Variants in ANKMY1 observed in about 807,000 individuals in gnomAD.
ANKMY1 encodes the protein ankyrin repeat and MYND domain containing 1.
A neutral mutation model predicts 102.0 loss-of-function variants in ANKMY1; 98 were observed. The observed-to-expected ratio is 0.96, with a 90% CI of 0.82 to 1.14. The LOEUF (loss-of-function observed/expected upper bound fraction) is 1.14, where lower values mean the gene tolerates loss of function less well. Ranked by LOEUF, ANKMY1 falls within the 50% of genes most tolerant of loss-of-function variation. The pLI is 0.00. For synonymous variants in ANKMY1, 582 were observed against 559.9 expected, an observed-to-expected ratio of 1.04 and a Z score of -0.56; for missense variants, 1,330 against 1,347.6, an observed-to-expected ratio of 0.99 and a Z score of 0.20.
chr2:240,560,893 T>G, upstream of ANKMY1: 1 of 1,519,132 alleles, frequency 6.6e-7, no homozygotes, highest in Non-Finnish European at 8.7e-7. Flanking sequence ...CGCGTGCCCG[T>G]GTTCGACGAC....
At chr2:240,537,821 T>C (rs1013486899) in intron 4 of ANKMY1, among the ~76,000 whole-genome samples, 1 of 152,250 alleles carries the variant, frequency 6.6e-6, no homozygotes, top group African/African-American at 2.4e-5. Flanking sequence ...AGCCCACACC[T>C]GCGCCAATCG....
intron 4 of ANKMY1, among the ~76,000 whole-genome samples, chr2:240,542,503 CAA>C (rs762420491): frequency 4.3e-5 from 5 of 117,224 alleles, no homozygotes; most frequent in Non-Finnish European, 5.4e-5. Context: ...GACTCCGTCT[CAA>C]AAAAAAAAAA....
At chr2:240,543,251 G>T (rs1293021071) in intron 4 of ANKMY1, among the ~76,000 whole-genome samples, 1 of 151,760 alleles carries the variant, frequency 6.6e-6, no homozygotes, top group Non-Finnish European at 1.5e-5. Flanking sequence ...TACTCGGGAG[G>T]CTGAGGCAGG....
chr2:240,559,011 G>C (rs111392516), upstream of ANKMY1, among the ~76,000 whole-genome samples: 9 of 152,316 alleles, frequency 5.9e-5, no homozygotes, highest in African/African-American at 2.2e-4. Flanking sequence ...CATTAGTTGT[G>C]AATTACAACT....
chr2:240,540,215 A>G (rs2152509470), intron 4 of ANKMY1, among the ~76,000 whole-genome samples: 1 of 152,330 alleles, frequency 6.6e-6, no homozygotes, highest in African/African-American at 2.4e-5. Context: ...GACCTAACCA[A>G]TGTGTGTTTT....
rs2080493105 is a variant in ANKMY1 at position 240,512,833 on chromosome 2, G to A, written c.2114C>T (p.Ser705Phe). 1 of 1,614,048 alleles carries A rather than the reference G, an allele frequency of 6.2e-7. No homozygotes were observed. Among genetic ancestry groups the A allele is most frequent in the Non-Finnish European group, 8.5e-7 (1 of 1,179,980 alleles). ...GGGCTTGTAAGTGTCGTCCTCGTCG[G>A]ATGCCTTGGCGTCCACATCGGTGAT... The part of the protein sequence containing the change: ...HAITDVDAKA[S>F]DEDDTYKPGK... The change falls in exon 10 of 18, where the codon TCC becomes TTC. Residue 705 changes from serine (S) to phenylalanine (F), a missense_variant. By Grantham distance (155) the Ser-to-Phe change is radical. Coordinates refer to ENST00000401804, the MANE Select transcript of ANKMY1 (RefSeq NM_001282771.3).
At chr2:240,483,356 C>T (rs573950775) in intron 15 of ANKMY1, among the ~76,000 whole-genome samples, 36 of 152,202 alleles carry the variant, frequency 2.4e-4, no homozygotes, top group Middle Eastern at 3.4e-3. Flanking sequence ...AGGGTTTCAC[C>T]GTATTGGCCA....
At chr2:240,508,389 G>C (rs1559279071) in intron 12 of ANKMY1, among the ~76,000 whole-genome samples, 1 of 152,332 alleles carries the variant, frequency 6.6e-6, no homozygotes, top group African/African-American at 2.4e-5. Flanking sequence ...AGAAAGCAGG[G>C]AGCAGAGGTG....
the ANKMY1 span, among the ~76,000 whole-genome samples, chr2:240,469,685 CGAACACAT>C: frequency 0.098 from 14,842 of 151,600 alleles, 774 homozygotes; most frequent in African/African-American, 0.11. Flanking sequence ...CACACACAAA[CGAACACAT>C]ACAACACCCT....
chr2:240,491,900 G>T (rs1358629065), intron 15 of ANKMY1, among the ~76,000 whole-genome samples: 1 of 151,852 alleles, frequency 6.6e-6, no homozygotes, highest in Non-Finnish European at 1.5e-5. Context: ...TTTTATCATT[G>T]TATCTTCCTG....
At chr2:240,518,204 G>A (rs570874615) in intron 9 of ANKMY1, among the ~76,000 whole-genome samples, 3 of 152,152 alleles carry the variant, frequency 2.0e-5, no homozygotes, top group South Asian at 2.1e-4. Context: ...ACTTGGGAAC[G>A]TTACATTTGT....
chr2:240,519,034 G>T (rs1249022876), intron 9 of ANKMY1, among the ~76,000 whole-genome samples: 1 of 152,228 alleles, frequency 6.6e-6, no homozygotes, highest in Non-Finnish European at 1.5e-5. Context: ...AAGGTAAAGT[G>T]CTGAAACGAT....
intron 15 of ANKMY1, among the ~76,000 whole-genome samples, chr2:240,484,314 A>G (rs896413431): frequency 1.3e-5 from 2 of 152,234 alleles, no homozygotes; most frequent in Non-Finnish European, 2.9e-5. Context: ...CTACAAGGCT[A>G]CAGTAACCAA....
downstream of ANKMY1, among the ~76,000 whole-genome samples, chr2:240,478,251 C>A (rs1046953414): frequency 5.2e-4 from 79 of 152,174 alleles, no homozygotes; most frequent in African/African-American, 1.9e-3. Flanking sequence ...ATACATTTTC[C>A]GGTCTCTGAT....
intron 15 of ANKMY1, among the ~76,000 whole-genome samples, chr2:240,484,443 C>A (rs1344315948): frequency 6.6e-6 from 1 of 152,178 alleles, no homozygotes; most frequent in African/African-American, 2.4e-5. Context: ...CAAAAACAAG[C>A]AATGGGGGAA....
intron 16 of ANKMY1, 52 bp downstream of exon 16, chr2:240,482,130 TC>T (rs2075470572): frequency 6.3e-7 from 1 of 1,589,272 alleles, no homozygotes; most frequent in South Asian, 1.1e-5. Flanking sequence ...AACAGCACTG[TC>T]CAAACCACAG....
In ANKMY1 at chr2:240,520,632, AG is replaced by A. The variant is rs1002993655; in HGVS notation, c.1833-100del. On this transcript the variant is annotated intron_variant, in intron 8 of 17. Transcript: ENST00000401804. This position sits in a 1 kb window ranked among gnomAD's most constrained non-coding sequence, Gnocchi z 4.8. ...GCGAGGAGGCTGGGGAGGGGCGCGTAGGGAGTATGTGTGTGCCGCAACTACA... is the reference window on the plus strand; with the variant it reads ...GCGAGGAGGCTGGGGAGGGGCGCGTAGGAGTATGTGTGTGCCGCAACTACA... 5 of 1,423,214 alleles carry A rather than the reference AG, an allele frequency of 3.5e-6. No homozygotes were observed. Among genetic ancestry groups the A allele is most frequent in the Non-Finnish European group, 4.7e-6 (5 of 1,068,052 alleles). 88.2% of individuals were successfully genotyped at this position (1,423,214 alleles called of 1,614,324 possible). A position where few individuals can be genotyped will look rare whatever the true frequency, so the allele number is the denominator to read the frequency against.
intron 4 of ANKMY1, among the ~76,000 whole-genome samples, chr2:240,540,770 G>T (rs1377439156): frequency 6.6e-6 from 1 of 152,156 alleles, no homozygotes; most frequent in East Asian, 1.9e-4. Context: ...CTGAACCCGT[G>T]ATGTTTCAAT....
chr2:240,528,907 T>C, intron 5 of ANKMY1, 130 bp downstream of exon 5: 1 of 814,244 alleles, frequency 1.2e-6, no homozygotes, highest in South Asian at 1.7e-5. Context: ...AGTCACTTAA[T>C]GGGAGGAGTG....
Sources: allele counts gnomAD v4.1 joint callset (sites outside exome capture counted in the v4.1 genomes callset), GRCh38; gene constraint gnomAD v4.1.1; non-coding constraint Gnocchi (gnomAD v3.1); transcripts MANE v1.5; gene names NCBI Gene and HGNC (gene_info 2026-07-23, HGNC 2026-07-21).